COL11A1: variants seen among roughly 807,000 people sequenced by gnomAD.
COL11A1 encodes collagen type XI alpha 1 chain.
COL11A1 carries 74 observed loss-of-function variants against 265.2 expected under a neutral mutation model. That is an observed-to-expected ratio of 0.28 (90% CI 0.23 to 0.34). The LOEUF is 0.34. Ranked by LOEUF, COL11A1 falls within the 10% of genes least tolerant of loss-of-function variation. The pLI is 1.00. For synonymous variants in COL11A1, 816 were observed against 727.6 expected (o/e 1.12, Z -1.96); for missense variants, 2,165 against 2,263.6 (o/e 0.96, Z 0.88).
At chr1:102,939,893 C>T (rs985340705) in intron 43 of COL11A1, among the ~76,000 whole-genome samples, 5 of 151,992 alleles carry the variant, frequency 3.3e-5, no homozygotes, top group Non-Finnish European at 7.4e-5. Flanking sequence ...GAATTAGGAG[C>T]TTAGAGTCTG....
intron 4 of COL11A1, among the ~76,000 whole-genome samples, chr1:103,061,612 T>C (rs758849088): frequency 1.1e-3 from 173 of 151,950 alleles, no homozygotes; most frequent in Non-Finnish European, 1.6e-3. Flanking sequence ...AAAAACATAC[T>C]TCTAACTAAT....
chr1:102,971,532 T>A (rs1333586142), intron 36 of COL11A1, among the ~76,000 whole-genome samples: 1 of 152,238 alleles, frequency 6.6e-6, no homozygotes, highest in South Asian at 2.1e-4. Context: ...TCATTGTATG[T>A]TAATTATTTA....
chr1:103,007,866 C>CAA (rs34520764), intron 15 of COL11A1, among the ~76,000 whole-genome samples: 1,283 of 96,236 alleles, frequency 0.013, 40 homozygotes, highest in African/African-American at 0.032. Context: ...GACTCTGTCT[C>CAA]AAAAAAAAAA....
Position 103,002,784 on chromosome 1 carries a change from G to T in COL11A1, c.2006C>A (p.Ala669Glu). The part of the protein sequence containing the change: ...TPGAPGQPGM[A>E]GVDGPPGPKG... ...TGGTCCTGGGGGGCCATCTACACCT[G>T]CCATACCCTGCAATGAAGAAAAAGT... The change falls in exon 22 of 67, where the codon GCA (alanine) becomes GAA (glutamate). Residue 669 changes from alanine to glutamate, a missense_variant. By Grantham distance (107) the Ala-to-Glu change is moderately radical. Coordinates refer to ENST00000370096, the MANE Select transcript of COL11A1 (RefSeq NM_001854.4). 1 of 1,612,898 alleles carries T rather than the reference G, an allele frequency of 6.2e-7. No homozygotes were observed. Among genetic ancestry groups the T allele is most frequent in the Admixed American group, 1.7e-5 (1 of 59,968 alleles).
intron 4 of COL11A1, among the ~76,000 whole-genome samples, chr1:103,033,426 T>C (rs2102007569): frequency 6.6e-6 from 1 of 152,182 alleles, no homozygotes; most frequent in South Asian, 2.1e-4. Flanking sequence ...CTCTTAGAAT[T>C]ATTATTACTT....
intron 35 of COL11A1, among the ~76,000 whole-genome samples, chr1:102,976,292 T>TTTTTTC (rs1662475173): frequency 2.0e-5 from 1 of 50,976 alleles, no homozygotes; most frequent in Admixed American, 1.8e-4. Flanking sequence ...ACGTTGGCTT[T>TTTTTTC]TTTTTTTTTT....
chr1:103,062,369 T>A (rs1262588324), intron 4 of COL11A1, among the ~76,000 whole-genome samples: 1 of 151,796 alleles, frequency 6.6e-6, no homozygotes, highest in Non-Finnish European at 1.5e-5. Context: ...GGTGAAAACA[T>A]TAAAAGAAAA....
intron 4 of COL11A1, among the ~76,000 whole-genome samples, chr1:103,070,004 C>CT (rs942319876): frequency 1.9e-4 from 29 of 150,194 alleles, no homozygotes; most frequent in African/African-American, 5.1e-4. Context: ...TGATAATTTT[C>CT]TTTTTTTTTA....
At chr1:103,003,569 T>C (rs1193994726) in intron 20 of COL11A1, among the ~76,000 whole-genome samples, 4 of 152,154 alleles carry the variant, frequency 2.6e-5, no homozygotes, top group African/African-American at 7.2e-5. Flanking sequence ...TAAGACACTT[T>C]TGTGTCATTT....
chr1:102,949,450 G>T (rs2622860), intron 41 of COL11A1, among the ~76,000 whole-genome samples: 1,848 of 150,280 alleles, frequency 0.012, 75 homozygotes, highest in African/African-American at 0.044. Flanking sequence ...AACCCTAACT[G>T]TTCAAAGAAT....
chr1:103,051,404 A>T (rs1669815625), intron 4 of COL11A1, among the ~76,000 whole-genome samples: 1 of 152,214 alleles, frequency 6.6e-6, no homozygotes, highest in African/African-American at 2.4e-5. Context: ...CCTCTGAGCC[A>T]TGTGCGGGAT....
rs754098836 is a variant in COL11A1 at position 103,082,779 on chromosome 1, C to A, written c.274+26G>T. ...GTGTAATAACTTTTAGTAATAATAA[C>A]AATAATAATAATAAAGTGAATATAC... is the stretch of plus-strand genomic sequence containing the variant. On this transcript the variant is annotated intron_variant, in intron 2 of 66. Coordinates refer to ENST00000370096, the MANE Select transcript of COL11A1 (RefSeq NM_001854.4). The A allele has an allele frequency of 1.1e-5, 17 of 1,580,920 alleles. No homozygotes were observed. The African/African-American group carries it at 1.1e-4, about 10-fold the overall frequency.
At chr1:102,891,729 C>G (rs1056655516) in intron 57 of COL11A1, among the ~76,000 whole-genome samples, 17 of 142,958 alleles carry the variant, frequency 1.2e-4, no homozygotes, top group Non-Finnish European at 2.3e-4. Context: ...AAAAAAAAAG[C>G]AAAAACTAGA....
chr1:103,107,887 A>G (rs1391670037), intron 1 of COL11A1, among the ~76,000 whole-genome samples, 186 bp downstream of exon 1: 1 of 151,262 alleles, frequency 6.6e-6, no homozygotes, highest in Non-Finnish European at 1.5e-5. Flanking sequence ...TGTCCCGCCT[A>G]CATTCATCTC....
At chr1:103,042,555 A>G (rs924550351) in intron 4 of COL11A1, among the ~76,000 whole-genome samples, 3 of 152,104 alleles carry the variant, frequency 2.0e-5, no homozygotes, top group African/African-American at 7.2e-5. Context: ...TCCGGGACAG[A>G]CATGGAAGCT....
At chr1:103,053,219 T>C (rs972349524) in intron 4 of COL11A1, among the ~76,000 whole-genome samples, 5 of 152,206 alleles carry the variant, frequency 3.3e-5, no homozygotes, top group Admixed American at 2.6e-4. Context: ...TGGATCTCTA[T>C]AGAGCTCAGA....
rs1352829813 is a variant in COL11A1, at chr1:103,005,777, G to C, written c.1845+61C>G. Reference sequence around the variant, plus strand: ...TCTTCTTTTTCTGATTTTGCAAATTGTTATCAATTCTAAAATATTTTATAA... The same window carrying C: ...TCTTCTTTTTCTGATTTTGCAAATTCTTATCAATTCTAAAATATTTTATAA... On this transcript the variant is annotated intron_variant, in intron 18 of 66. Coordinates refer to ENST00000370096, the MANE Select transcript of COL11A1 (RefSeq NM_001854.4). 1.4e-5 allele frequency: 23 copies of C among 1,591,456 alleles called. No individual in the cohort carries two copies. The East Asian group carries it at 4.9e-4, about 34-fold the overall frequency.
intron 38 of COL11A1, among the ~76,000 whole-genome samples, chr1:102,963,496 T>C (rs569338729): frequency 6.0e-4 from 91 of 152,288 alleles, no homozygotes; most frequent in African/African-American, 2.2e-3. Flanking sequence ...AGGATGGTGA[T>C]CAGTTGCTCT....
At chr1:102,914,593 G>T in intron 51 of COL11A1, 111 bp downstream of exon 51, 1 of 997,866 alleles carries the variant, frequency 1.0e-6, no homozygotes, top group South Asian at 1.4e-5. Flanking sequence ...ATGATGAAAA[G>T]TCAGATTTAC....
Sources: allele counts gnomAD v4.1 joint callset (sites outside exome capture counted in the v4.1 genomes callset), GRCh38; gene constraint gnomAD v4.1.1; transcripts MANE v1.5; gene names NCBI Gene and HGNC (gene_info 2026-07-23, HGNC 2026-07-21).